The following FBXL7 variants were observed in gnomAD, a reference collection of about 807,000 sequenced individuals.
The protein encoded by FBXL7 is F-box/LRR-repeat protein 7.
In FBXL7, 12 loss-of-function variants were observed where a neutral mutation model predicts 38.3. The observed-to-expected ratio is 0.31, with a 90% CI of 0.20 to 0.51. FBXL7 has a LOEUF of 0.51. Among genes scored for constraint, FBXL7 ranks in the 20% least tolerant of loss-of-function variants. The pLI, the probability that FBXL7 is intolerant of heterozygous loss-of-function variation, is 0.98. For synonymous variants in FBXL7, 297 were observed against 300.9 expected (o/e 0.99, Z 0.13); for missense variants, 567 against 676.4 (o/e 0.84, Z 1.79).
chr5:15,709,956 A>G (rs1435049788), intron 2 of FBXL7, among the ~76,000 whole-genome samples: 1 of 152,126 alleles, frequency 6.6e-6, no homozygotes, highest in East Asian at 1.9e-4. Context: ...ATCACCTCCT[A>G]AAGCCTCCAC....
intron 2 of FBXL7, among the ~76,000 whole-genome samples, chr5:15,632,424 T>C (rs771281664): frequency 2.6e-5 from 4 of 152,152 alleles, no homozygotes; most frequent in Non-Finnish European, 5.9e-5. Flanking sequence ...ACACTGTTGG[T>C]GGGAATGTGG....
rs190119310 is a variant in FBXL7, at chr5:15,520,636, G to A, written c.37+19923G>A. On this transcript the variant is annotated intron_variant, in intron 1 of 3. Coordinates refer to ENST00000504595, the MANE Select transcript of FBXL7 (RefSeq NM_012304.5). ...ATCGAAAAAGATAGCTGAATTAAAAGGTGGTACATAAGTAGTGATCAAGTT... is the reference window on the plus strand; with the variant it reads ...ATCGAAAAAGATAGCTGAATTAAAAAGTGGTACATAAGTAGTGATCAAGTT... Among the ~76,000 whole-genome samples the A allele has an allele frequency of 1.2e-3, 190 of 152,286 alleles. 1 individual carries two copies. The highest frequency in any genetic ancestry group is 4.5e-3 in the African/African-American group (186 of 41,548).
At chr5:15,877,249 T>A (rs896420857) in intron 2 of FBXL7, among the ~76,000 whole-genome samples, 2 of 152,214 alleles carry the variant, frequency 1.3e-5, no homozygotes, top group African/African-American at 4.8e-5. Flanking sequence ...TCCTCCTACT[T>A]ATTCCATGAT....
At chr5:15,868,064 A>G (rs1346191279) in intron 2 of FBXL7, among the ~76,000 whole-genome samples, 1 of 149,934 alleles carries the variant, frequency 6.7e-6, no homozygotes. Flanking sequence ...AGATTGCGCC[A>G]CTGTACTCCA....
intron 2 of FBXL7, among the ~76,000 whole-genome samples, chr5:15,648,381 G>T (rs1741604639): frequency 6.6e-6 from 1 of 152,168 alleles, no homozygotes; most frequent in African/African-American, 2.4e-5. Flanking sequence ...AAACTTCTGA[G>T]ATACAGAAAA....
rs1005852692 is a variant in FBXL7 at position 15,501,320 on chromosome 5, T to C, written c.37+607T>C. ...TGGGGCTGGAAATTGCACAGAAATA[T>C]TGCCTGTCAAGTGGGAACTTGGAAG... On this transcript the variant is annotated intron_variant, in intron 1 of 3. Coordinates refer to ENST00000504595, the MANE Select transcript of FBXL7 (RefSeq NM_012304.5). 2.3e-5 allele frequency: 14 copies of C among 615,688 alleles called. No individual in the cohort carries two copies. The African/African-American group carries it at 2.4e-4, about 11-fold the overall frequency. 38.1% of individuals were successfully genotyped at this position (615,688 alleles called of 1,614,324 possible). A position where few individuals can be genotyped will look rare whatever the true frequency, so the allele number is the denominator to read the frequency against.
intron 2 of FBXL7, among the ~76,000 whole-genome samples, chr5:15,767,887 G>T (rs1017882557): frequency 1.3e-5 from 2 of 152,136 alleles, no homozygotes; most frequent in African/African-American, 4.8e-5. Context: ...AGGAATGGGT[G>T]TGCATTATGG....
chr5:15,620,230 C>CTTT (rs796293132), intron 2 of FBXL7, among the ~76,000 whole-genome samples: 89 of 134,150 alleles, frequency 6.6e-4, no homozygotes, highest in East Asian at 1.5e-3. Flanking sequence ...TTCTTTTTTT[C>CTTT]TTTTTTTTTT....
chr5:15,834,365 C>T (rs1252967855), intron 2 of FBXL7, among the ~76,000 whole-genome samples: 1 of 152,096 alleles, frequency 6.6e-6, no homozygotes, highest in Non-Finnish European at 1.5e-5. Flanking sequence ...AAATTTTTTT[C>T]TTCTCTGCCT....
intron 1 of FBXL7, among the ~76,000 whole-genome samples, chr5:15,593,414 C>T (rs1739536034): frequency 6.6e-6 from 1 of 152,054 alleles, no homozygotes; most frequent in South Asian, 2.1e-4. Flanking sequence ...ATCCCAGCTT[C>T]TAGGGAGGCT....
chr5:15,845,843 T>C lies in FBXL7; in HGVS notation c.128-82047T>C, dbSNP rs543697444. Among the ~76,000 whole-genome samples, 11 of 151,944 alleles carry C rather than the reference T, an allele frequency of 7.2e-5. No individual in the cohort carries two copies. The East Asian group carries it at 2.1e-3, about 29-fold the overall frequency. On this transcript the variant is annotated intron_variant, in intron 2 of 3. Coordinates refer to ENST00000504595, the MANE Select transcript of FBXL7 (RefSeq NM_012304.5). ...AAAATTAGCCGGGCGTGGTGGCGGGTGCCTGGAGTCCCAGCTACTCGGGAG... is the reference window on the plus strand; with the variant it reads ...AAAATTAGCCGGGCGTGGTGGCGGGCGCCTGGAGTCCCAGCTACTCGGGAG...
At chr5:15,504,598 G>A (rs565727934) in intron 1 of FBXL7, among the ~76,000 whole-genome samples, 1 of 152,306 alleles carries the variant, frequency 6.6e-6, no homozygotes, top group East Asian at 1.9e-4. Flanking sequence ...TGCTGTTAGA[G>A]AGACTTGGAT....
chr5:15,837,183 TAATTG>T (rs1390782655), intron 2 of FBXL7, among the ~76,000 whole-genome samples: 3 of 152,216 alleles, frequency 2.0e-5, no homozygotes, highest in Non-Finnish European at 4.4e-5. Flanking sequence ...AAGCCAACAT[TAATTG>T]AAATGTAAAT....
chr5:15,845,018 C>A (rs1304299735), intron 2 of FBXL7, among the ~76,000 whole-genome samples: 1 of 152,228 alleles, frequency 6.6e-6, no homozygotes, highest in Non-Finnish European at 1.5e-5. Context: ...GTCTCAGCCT[C>A]CAGCTTAGCC....
intron 2 of FBXL7, among the ~76,000 whole-genome samples, chr5:15,722,622 C>T (rs1186230670): frequency 1.3e-5 from 2 of 152,166 alleles, no homozygotes; most frequent in African/African-American, 4.8e-5. Flanking sequence ...TTCATACCAG[C>T]ATTTGTAAGC....
At chr5:15,513,541 T>G (rs1057452336) in intron 1 of FBXL7, among the ~76,000 whole-genome samples, 9 of 152,176 alleles carry the variant, frequency 5.9e-5, no homozygotes, top group Admixed American at 5.2e-4. Flanking sequence ...GGTATCTGCC[T>G]GCAGCTGTAT....
chr5:15,600,985 T>A (rs1224748304), intron 1 of FBXL7, among the ~76,000 whole-genome samples: 1 of 152,220 alleles, frequency 6.6e-6, no homozygotes, highest in Non-Finnish European at 1.5e-5. Context: ...ATACTAGTAT[T>A]TTCTCCACTG....
chr5:15,795,069 C>A (rs1377305385), intron 2 of FBXL7, among the ~76,000 whole-genome samples: 2 of 152,176 alleles, frequency 1.3e-5, no homozygotes, highest in African/African-American at 2.4e-5. Context: ...CAGAGGCAGC[C>A]TTCTGTGTGA....
In FBXL7 at chr5:15,568,908, G is replaced by A. The variant is rs1217437337; in HGVS notation, c.38-47075G>A. Among the ~76,000 whole-genome samples, 3 of 152,178 alleles carry A rather than the reference G, an allele frequency of 2.0e-5. No individual in the cohort carries two copies. In the South Asian group the frequency reaches 6.2e-4, roughly 32 times the overall value. On this transcript the variant is annotated intron_variant, in intron 1 of 3. Transcript: ENST00000504595. ...AAAGATCAGATGGTTGTTGATATGT[G>A]GCATTATTTCTGAGGGCTCTGTTCT... is the stretch of plus-strand genomic sequence containing the variant.
Sources: allele counts gnomAD v4.1 joint callset (sites outside exome capture counted in the v4.1 genomes callset), GRCh38; gene constraint gnomAD v4.1.1; transcripts MANE v1.5; gene names NCBI Gene and HGNC (gene_info 2026-07-23, HGNC 2026-07-21).